The following MUC7 variants were observed in gnomAD, a reference collection of about 807,000 sequenced individuals.
The protein encoded by MUC7 is mucin 7, secreted, also known as mucin-7.
A neutral mutation model predicts 2.5 loss-of-function variants in MUC7; 2 were observed. The observed-to-expected ratio is 0.81, with a 90% CI of 0.33 to 2.55. MUC7 has a LOEUF of 2.55. MUC7 is among the 30% of genes most tolerant of loss of function. The probability of loss-of-function intolerance (pLI) is 0.11; values close to 1 mark genes in which losing one functional copy is unlikely to be tolerated. For missense variants in MUC7, 408 were observed against 455.6 expected, an observed-to-expected ratio of 0.90 and a Z score of 0.95; for synonymous variants, 133 against 173.4, an observed-to-expected ratio of 0.77 and a Z score of 1.83.
upstream of MUC7, among the ~76,000 whole-genome samples, chr4:70,468,436 AG>A (rs1242213157): frequency 2.0e-5 from 3 of 152,314 alleles, no homozygotes; most frequent in African/African-American, 4.8e-5. Flanking sequence ...AAAGAAATAA[AG>A]GGTATTCAAA....
Position 70,478,218 on chromosome 4 carries a change from T to A in MUC7, c.55-2581T>A, listed in dbSNP as rs74981813. Among the ~76,000 whole-genome samples the A allele has an allele frequency of 2.8e-4, 42 of 152,342 alleles. No individual in the cohort carries two copies. In the East Asian group the frequency reaches 5.8e-3, roughly 21 times the overall value. ...TCACCTAAAGTAAAATAGCTGAAAC[T>A]ATTTTACATATGAATAAACACTTTT... On this transcript the variant is annotated intron_variant, in intron 2 of 2. Coordinates refer to ENST00000304887, the MANE Select transcript of MUC7 (RefSeq NM_152291.3).
chr4:70,444,236 A>G (rs1252279886), intron 1 of MUC7, among the ~76,000 whole-genome samples: 1 of 152,192 alleles, frequency 6.6e-6, no homozygotes, highest in Non-Finnish European at 1.5e-5. Context: ...ACCTGGAAAT[A>G]TGACATTTGA....
upstream of MUC7, among the ~76,000 whole-genome samples, chr4:70,469,533 T>C (rs1194712594): frequency 1.3e-5 from 2 of 152,116 alleles, no homozygotes; most frequent in Non-Finnish European, 2.9e-5. Context: ...ATATCCAGAA[T>C]CTACAAGGAA....
At chr4:70,473,529 C>G (rs1734903555) in intron 1 of MUC7, among the ~76,000 whole-genome samples, 1 of 151,974 alleles carries the variant, frequency 6.6e-6, no homozygotes. Flanking sequence ...TCCATTTGAC[C>G]TGGTTCTTTG....
upstream of MUC7, among the ~76,000 whole-genome samples, chr4:70,471,013 C>A (rs1029890737): frequency 1.3e-5 from 2 of 152,146 alleles, no homozygotes; most frequent in Non-Finnish European, 2.9e-5. Context: ...TCAAAAATTA[C>A]ATGGCTACTA....
intron 1 of MUC7, among the ~76,000 whole-genome samples, chr4:70,440,424 A>G (rs1028704553): frequency 2.0e-5 from 3 of 152,178 alleles, no homozygotes; most frequent in African/African-American, 7.2e-5. Flanking sequence ...TGTCTTGTAC[A>G]TCTTTGAATT....
upstream of MUC7, chr4:70,472,107 A>G (rs1395431804): frequency 6.6e-6 from 1 of 152,204 alleles, no homozygotes; most frequent in Non-Finnish European, 1.5e-5. Flanking sequence ...ATTCCTTGAC[A>G]CAAATGACCT....
chr4:70,446,354 G>A (rs374989214), intron 1 of MUC7, among the ~76,000 whole-genome samples: 5 of 152,230 alleles, frequency 3.3e-5, no homozygotes, highest in African/African-American at 4.8e-5. Context: ...TTATAGGCTA[G>A]GGGTCTGAAA....
Position 70,474,109 on chromosome 4 carries a change from C to A in MUC7, c.54+34C>A, listed in dbSNP as rs754802975. The A allele has an allele frequency of 1.9e-6, 3 of 1,577,566 alleles. No individual in the cohort carries two copies. The Admixed American group carries it at 5.0e-5, about 27-fold the overall frequency. On this transcript the variant is annotated intron_variant, in intron 2 of 2. Transcript: ENST00000304887. ...TCACCCAAATAAGTTTTTTCCTTAA[C>A]TATCAATAACAAACATTTAGTGTAC...
chr4:70,482,839 C>G lies in MUC7; in HGVS notation c.*961C>G, dbSNP rs1174220297. ...AGAATTGTCTCTGAAAATAAAAACC[C>G]TGACTTTAGTTGTAAAACAATAAAA... On this transcript the variant is annotated 3_prime_UTR_variant, in exon 3 of 3. Transcript: ENST00000304887. The G allele has an allele frequency of 6.6e-6, 1 of 152,154 alleles. No individual in the cohort carries two copies. Among genetic ancestry groups the G allele is most frequent in the African/African-American group, 2.4e-5 (1 of 41,424 alleles). The allele number at this position is 152,154 out of a possible 1,614,324, so 9.4% of individuals were successfully genotyped here.
intron 1 of MUC7, among the ~76,000 whole-genome samples, chr4:70,459,060 T>C (rs893202384): frequency 5.9e-5 from 9 of 152,122 alleles, no homozygotes; most frequent in Non-Finnish European, 1.2e-4. Flanking sequence ...CAAGAAGAAA[T>C]TGATAATTCC....
At chr4:70,444,357 C>A (rs1734076486) in intron 1 of MUC7, among the ~76,000 whole-genome samples, 1 of 152,208 alleles carries the variant, frequency 6.6e-6, no homozygotes. Context: ...GCCACAACAC[C>A]CGTGGTCACT....
chr4:70,457,158 C>G (rs573473152), intron 1 of MUC7, among the ~76,000 whole-genome samples: 1 of 152,160 alleles, frequency 6.6e-6, no homozygotes, highest in Non-Finnish European at 1.5e-5. Context: ...ATTACCGACA[C>G]TTGGCCAGGT....
At chr4:70,453,101 C>T (rs1017325180) in intron 1 of MUC7, among the ~76,000 whole-genome samples, 1 of 152,160 alleles carries the variant, frequency 6.6e-6, no homozygotes, top group African/African-American at 2.4e-5. Flanking sequence ...GGATCTCATG[C>T]CAGGCCTGCT....
intron 1 of MUC7, among the ~76,000 whole-genome samples, chr4:70,464,553 G>A (rs112190275): frequency 0.03 from 4,504 of 152,260 alleles, 95 homozygotes; most frequent in Non-Finnish European, 0.043. Context: ...AATCTCAAGC[G>A]TGGTCGGGGG....
At chr4:70,471,739 T>C (rs1734841035), upstream of MUC7, among the ~76,000 whole-genome samples, 1 of 152,254 alleles carries the variant, frequency 6.6e-6, no homozygotes, top group Non-Finnish European at 1.5e-5. Context: ...CTTTAAATAC[T>C]GCCCTGCACC....
Position 70,481,661 on chromosome 4 carries a change from C to A in MUC7, c.917C>A (p.Ala306Asp), listed in dbSNP as rs780013153. The A allele has an allele frequency of 4.8e-5, 78 of 1,614,040 alleles. No individual in the cohort carries two copies. Among genetic ancestry groups the A allele is most frequent in the Non-Finnish European group, 6.4e-5 (75 of 1,180,040 alleles). Residue 306 changes from alanine (A) to aspartate (D), a missense_variant, in exon 3 of 3, where the codon GCC (alanine) becomes GAC (aspartate). Around this residue, in one of 3 missense-constraint regions of MUC7, gnomAD observed 175 missense variants for 187.1 expected, o/e 0.94. Coordinates refer to ENST00000304887, the MANE Select transcript of MUC7 (RefSeq NM_152291.3). ...CCAGCTCCACAAGAGACCACAGCTG[C>A]CCCAATTACCACACCTAATTCTTCC... ...SSPAPQETTA[A>D]PITTPNSSPT...
intron 1 of MUC7, among the ~76,000 whole-genome samples, chr4:70,438,011 A>G (rs1191388756): frequency 1.3e-5 from 2 of 152,240 alleles, no homozygotes; most frequent in Non-Finnish European, 2.9e-5. Flanking sequence ...TTAAAAGAAT[A>G]TAACTAATAA....
Position 70,481,805 on chromosome 4 carries a change from A to G in MUC7, c.1061A>G (p.Asn354Ser), listed in dbSNP as rs749452576. 8.1e-6 allele frequency: 13 copies of G among 1,614,070 alleles called. No homozygotes were observed. In the East Asian group the frequency reaches 2.7e-4, roughly 33 times the overall value. ...TKQPTSAPGQ[N>S]KISRFLLYMK... is the part of the protein sequence containing the mutation. ...CAACCAACTTCAGCTCCTGGCCAAA[A>G]TAAAATTTCTCGATTTCTTTTATAT... Residue 354 changes from asparagine (N) to serine (S), a missense_variant, in exon 3 of 3, where the codon AAT becomes AGT. Coordinates refer to ENST00000304887, the MANE Select transcript of MUC7 (RefSeq NM_152291.3).
Sources: allele counts gnomAD v4.1 joint callset (sites outside exome capture counted in the v4.1 genomes callset), GRCh38; gene constraint gnomAD v4.1.1; regional missense constraint gnomAD v4.1.1; transcripts MANE v1.5; gene names NCBI Gene and HGNC (gene_info 2026-07-23, HGNC 2026-07-21).